PRPSAP1: variants seen among roughly 807,000 people sequenced by gnomAD.
The protein encoded by PRPSAP1 is phosphoribosyl pyrophosphate synthase-associated protein 1.
A neutral mutation model predicts 39.4 loss-of-function variants in PRPSAP1; 31 were observed. That is an observed-to-expected ratio of 0.79 (90% confidence interval 0.59 to 1.06). The LOEUF (loss-of-function observed/expected upper bound fraction) is 1.06. Ranked by LOEUF, PRPSAP1 falls within the 50% of genes least tolerant of loss-of-function variation. The pLI, the probability that PRPSAP1 is intolerant of heterozygous loss-of-function variation, is 0.00. For synonymous variants in PRPSAP1, 212 were observed against 192.6 expected (o/e 1.10, Z -0.83); for missense variants, 430 against 511.6 (o/e 0.84, Z 1.54).
chr17:76,335,639 G>GA (rs1170367952), intron 3 of PRPSAP1, among the ~76,000 whole-genome samples: 1 of 152,110 alleles, frequency 6.6e-6, no homozygotes, highest in Non-Finnish European at 1.5e-5. Context: ...TTACAGGTGT[G>GA]AGCCACCACA....
intron 4 of PRPSAP1, among the ~76,000 whole-genome samples, chr17:76,331,568 G>A (rs1282975569): frequency 6.6e-6 from 1 of 152,140 alleles, no homozygotes; most frequent in Non-Finnish European, 1.5e-5. Context: ...TTGGTTATAT[G>A]CAAATACTAT....
At chr17:76,353,395 G>C in intron 1 of PRPSAP1, 139 bp downstream of exon 1, 1 of 886,116 alleles carries the variant, frequency 1.1e-6, no homozygotes, top group Non-Finnish European at 1.6e-6. Context: ...TCACCTCCAA[G>C]CTTTGTCCGG....
upstream of PRPSAP1, chr17:76,353,926 GC>G (rs1338079283): frequency 7.6e-6 from 10 of 1,321,556 alleles, no homozygotes; most frequent in East Asian, 2.2e-4. Flanking sequence ...CAAGGCCACC[GC>G]CCCCTCCGGG....
At chr17:76,328,991 A>G in intron 6 of PRPSAP1, 129 bp from the exon 7 acceptor site, 1 of 1,136,140 alleles carries the variant, frequency 8.8e-7, no homozygotes, top group South Asian at 1.7e-5. Flanking sequence ...ATTTATATAA[A>G]TGAGAATGTG....
At chr17:76,329,957 G>A (rs940855550) in intron 6 of PRPSAP1, 86 bp downstream of exon 6, 41 of 1,322,354 alleles carry the variant, frequency 3.1e-5, no homozygotes, top group African/African-American at 7.3e-5. Context: ...CAAAGGCCAC[G>A]AGTGACAGCC....
chr17:76,350,982 A>T (rs945742471), intron 1 of PRPSAP1, among the ~76,000 whole-genome samples: 1 of 152,138 alleles, frequency 6.6e-6, no homozygotes, highest in Non-Finnish European at 1.5e-5. Context: ...GGGTGAGCCA[A>T]GATGGCTCTA....
intron 7 of PRPSAP1, among the ~76,000 whole-genome samples, chr17:76,325,598 AT>A (rs538337876): frequency 0.053 from 6,273 of 118,852 alleles, 226 homozygotes; most frequent in African/African-American, 0.13. Context: ...ATGACTGCTA[AT>A]TTTTTTTTTT....
At chr17:76,344,559 C>T (rs561205035) in intron 3 of PRPSAP1, 112 bp downstream of exon 3, 50 of 988,270 alleles carry the variant, frequency 5.1e-5, no homozygotes, top group Admixed American at 4.9e-4. Flanking sequence ...GCCACACGCC[C>T]GGCCTGAATA....
intron 8 of PRPSAP1, chr17:76,313,288 C>T (rs915441310): frequency 1.2e-5 from 4 of 334,564 alleles, no homozygotes; most frequent in African/African-American, 6.4e-5. Context: ...TCCTGTCTCA[C>T]GTTTCTGGTG....
chr17:76,333,073 A>G (rs1186762395), intron 3 of PRPSAP1, among the ~76,000 whole-genome samples: 38 of 151,278 alleles, frequency 2.5e-4, no homozygotes, highest in Non-Finnish European at 5.9e-5. Context: ...TTGTATTTTT[A>G]GTAGAGACGG....
intron 7 of PRPSAP1, among the ~76,000 whole-genome samples, chr17:76,317,781 C>T (rs2071140836): frequency 6.6e-6 from 1 of 152,164 alleles, no homozygotes; most frequent in African/African-American, 2.4e-5. Flanking sequence ...TCTTACTTTT[C>T]ACCCCTGTGG....
At chr17:76,319,613 TGC>T (rs2071165309) in intron 7 of PRPSAP1, 1 of 151,990 alleles carries the variant, frequency 6.6e-6, no homozygotes, top group Non-Finnish European at 1.5e-5. Context: ...GGATTACAGG[TGC>T]CCGCCACCAT....
upstream of PRPSAP1, chr17:76,354,006 T>C (rs2071616047): frequency 4.1e-6 from 5 of 1,209,484 alleles, no homozygotes; most frequent in Non-Finnish European, 4.1e-6. Flanking sequence ...GCCTGGCGAC[T>C]CTCTAAAAGC....
chr17:76,323,776 C>G (rs1437861722), intron 7 of PRPSAP1, among the ~76,000 whole-genome samples: 1 of 150,750 alleles, frequency 6.6e-6, no homozygotes, highest in Non-Finnish European at 1.5e-5. Flanking sequence ...GAAATGAAAA[C>G]AAGGATTTAG....
At chr17:76,326,667 A>G (rs531948309) in intron 7 of PRPSAP1, among the ~76,000 whole-genome samples, 1 of 152,228 alleles carries the variant, frequency 6.6e-6, no homozygotes, top group Non-Finnish European at 1.5e-5. Context: ...GAGACTAAAA[A>G]GAAATGACAA....
At chr17:76,342,914 C>T (rs1049206438) in intron 3 of PRPSAP1, among the ~76,000 whole-genome samples, 3 of 151,782 alleles carry the variant, frequency 2.0e-5, no homozygotes, top group African/African-American at 4.8e-5. Context: ...CCCATCACTA[C>T]TAAAAATACA....
intron 3 of PRPSAP1, among the ~76,000 whole-genome samples, chr17:76,333,574 G>A (rs1306081523): frequency 6.6e-6 from 1 of 152,022 alleles, no homozygotes; most frequent in Non-Finnish European, 1.5e-5. Flanking sequence ...GAACCTGGGA[G>A]GCAGAGGTTG....
intron 7 of PRPSAP1, among the ~76,000 whole-genome samples, chr17:76,320,567 G>A (rs2071185523): frequency 6.6e-6 from 1 of 150,430 alleles, no homozygotes; most frequent in South Asian, 2.1e-4. Context: ...TGGGACTACA[G>A]GCACACACCA....
intron 7 of PRPSAP1, among the ~76,000 whole-genome samples, chr17:76,325,087 A>C (rs564655811): frequency 2.7e-5 from 4 of 146,372 alleles, no homozygotes; most frequent in African/African-American, 1.0e-4. Context: ...AAAAAAAGAA[A>C]AGAAAAATTG....
Sources: gnomAD v4.1 joint callset for allele counts (sites outside exome capture counted in the v4.1 genomes callset) on GRCh38, gnomAD v4.1.1 for gene constraint, MANE v1.5 for transcripts, NCBI Gene and HGNC (gene_info 2026-07-23, HGNC 2026-07-21) for gene names.